Variants in DMXL2 observed in about 807,000 individuals in gnomAD.
The protein encoded by DMXL2 is Dmx like 2, also known as dmX-like protein 2.
In DMXL2, 103 loss-of-function variants were observed where a neutral mutation model predicts 331.1. The observed-to-expected ratio is 0.31, with a 90% CI of 0.27 to 0.37. The LOEUF is 0.37. DMXL2 is among the 10% of genes least tolerant of loss of function. DMXL2 has a pLI of 1.00. For missense variants in DMXL2, 3,171 were observed against 3,642.9 expected, an observed-to-expected ratio of 0.87 and a Z score of 3.33; for synonymous variants, 1,281 against 1,252.1, an observed-to-expected ratio of 1.02 and a Z score of -0.49.
intron 29 of DMXL2, among the ~76,000 whole-genome samples, chr15:51,469,840 T>C (rs2040932831): frequency 6.6e-6 from 1 of 152,158 alleles, no homozygotes; most frequent in Non-Finnish European, 1.5e-5. Context: ...TAAGTGCAAC[T>C]CAATTGGCAG....
At chr15:51,517,260 A>G in intron 13 of DMXL2, 93 bp from the exon 14 acceptor site, 1 of 845,600 alleles carries the variant, frequency 1.2e-6, no homozygotes, top group Non-Finnish European at 2.0e-6. Context: ...GCCCCCTCTA[A>G]ATATTCACTG....
At chr15:51,539,956 T>C (rs2048496996) in intron 9 of DMXL2, among the ~76,000 whole-genome samples, 1 of 152,224 alleles carries the variant, frequency 6.6e-6, no homozygotes, top group Admixed American at 6.5e-5. Flanking sequence ...AATATGAATG[T>C]TAAATGCTCT....
At position 51,622,594 on chromosome 15, in the gene DMXL2, G is replaced by T. The variant is rs368456628; in HGVS notation, c.-49C>A. On this transcript the variant is annotated 5_prime_UTR_variant, in exon 1 of 44. Coordinates refer to ENST00000560891, the MANE Select transcript of DMXL2 (RefSeq NM_001378457.1). ...ATGCGCGGGAGGTGCGACAAGCTCC[G>T]CGCCTGACCCTCCTCGGGCTGCGAG... is the stretch of plus-strand genomic sequence containing the variant. 3.3e-6 allele frequency: 5 copies of T among 1,521,402 alleles called. No homozygotes were observed. The highest frequency in any genetic ancestry group is 1.4e-5 in the African/African-American group (1 of 71,606). The allele number at this position is 1,521,402 out of a possible 1,614,324, so 94.2% of individuals were successfully genotyped here.
chr15:51,451,647 T>A lies in DMXL2; in HGVS notation c.8747A>T (p.His2916Leu). The change falls in exon 42 of 44, where the codon CAT becomes CTT. Residue 2916 changes from histidine to leucine, a missense_variant and splice_region_variant. This residue lies in a region of DMXL2 where 766 missense variants were observed against 940.5 expected (regional missense o/e 0.81). Coordinates refer to ENST00000560891, the MANE Select transcript of DMXL2 (RefSeq NM_001378457.1). ...TLISPGNSLI[H>L]GFTCHDHGAT... ...AAAAATCATAGACCTTAACTCACCA[T>A]GAATGAGGCTGTTTCCGGGTGATAT... is the stretch of plus-strand genomic sequence containing the variant. The A allele has an allele frequency of 6.2e-7, 1 of 1,612,082 alleles. No homozygotes were observed. The highest frequency in any genetic ancestry group is 8.5e-7 in the Non-Finnish European group (1 of 1,178,590).
chr15:51,544,762 C>A (rs986731277), intron 8 of DMXL2, among the ~76,000 whole-genome samples: 1 of 152,098 alleles, frequency 6.6e-6, no homozygotes, highest in Non-Finnish European at 1.5e-5. Flanking sequence ...ATAATATGAT[C>A]TCAATCGTAT....
intron 33 of DMXL2, among the ~76,000 whole-genome samples, chr15:51,462,629 G>A (rs2040226423): frequency 6.6e-6 from 1 of 152,068 alleles, no homozygotes; most frequent in South Asian, 2.1e-4. Context: ...GAGCCACCGT[G>A]CCCGGCCATG....
At chr15:51,609,635 A>G (rs1646149353) in intron 1 of DMXL2, among the ~76,000 whole-genome samples, 1 of 152,200 alleles carries the variant, frequency 6.6e-6, no homozygotes, top group African/African-American at 2.4e-5. Context: ...AGGCTATACT[A>G]TCTACGTTTG....
chr15:51,536,468 T>C lies in DMXL2; in HGVS notation c.2012A>G (p.His671Arg). ...TAATTCAGGAGTCAATAGAGCATTA[T>C]GATGAGAGGATGTCAATAACAGTGG... is the stretch of plus-strand genomic sequence containing the variant. ...VLPLLLTSSH[H>R]NALLTPELDC... The change falls in exon 12 of 44, where the codon CAT becomes CGT. Residue 671 changes from histidine (H) to arginine (R), a missense_variant. By Grantham distance (29) the His-to-Arg change is conservative. Around this residue, in one of 7 missense-constraint regions of DMXL2, gnomAD observed 1,674 missense variants for 1,780.2 expected, o/e 0.94. Transcript: ENST00000560891. The C allele has an allele frequency of 6.2e-7, 1 of 1,614,046 alleles. No homozygotes were observed. The highest frequency in any genetic ancestry group is 8.5e-7 in the Non-Finnish European group (1 of 1,179,974).
intron 1 of DMXL2, among the ~76,000 whole-genome samples, chr15:51,612,518 TG>T: frequency 6.6e-6 from 1 of 152,254 alleles, no homozygotes; most frequent in East Asian, 1.9e-4. Flanking sequence ...AGACATCACA[TG>T]TCAGCAGGTT....
Position 51,507,336 on chromosome 15 carries a change from C to G in DMXL2, c.2645-83G>C, listed in dbSNP as rs1264174189. On this transcript the variant is annotated intron_variant, in intron 15 of 43. Transcript: ENST00000560891. ...CACTTTTTAAAAGCTACCACCACCT[C>G]TTGATATGCATGGAAGTTGGGAAGA... The G allele has an allele frequency of 9.2e-6, 12 of 1,298,986 alleles. No individual in the cohort carries two copies. In the Admixed American group the frequency reaches 2.9e-4, roughly 31 times the overall value. The allele number at this position is 1,298,986 out of a possible 1,614,324, so 80.5% of individuals were successfully genotyped here. A position where few individuals can be genotyped will look rare whatever the true frequency, so the allele number is the denominator to read the frequency against.
At chr15:51,559,754 G>A (rs1596258322) in intron 6 of DMXL2, among the ~76,000 whole-genome samples, 1 of 152,000 alleles carries the variant, frequency 6.6e-6, no homozygotes, top group African/African-American at 2.4e-5. Flanking sequence ...CTACACGGAG[G>A]TGGTACTTGA....
At chr15:51,501,376 A>G (rs2043591790) in intron 17 of DMXL2, among the ~76,000 whole-genome samples, 1 of 152,200 alleles carries the variant, frequency 6.6e-6, no homozygotes, top group African/African-American at 2.4e-5. Context: ...TGCCCTCAAA[A>G]TATCTACCTT....
At chr15:51,570,237 T>C (rs943358593) in intron 2 of DMXL2, among the ~76,000 whole-genome samples, 1 of 128,368 alleles carries the variant, frequency 7.8e-6, no homozygotes, top group Non-Finnish European at 1.7e-5. Context: ...GAGGACAAGA[T>C]TAGAGAAAAA....
intron 29 of DMXL2, among the ~76,000 whole-genome samples, chr15:51,469,861 T>C (rs1474292152): frequency 2.6e-5 from 4 of 152,168 alleles, no homozygotes; most frequent in African/African-American, 9.7e-5. Context: ...CCTTAAGGGA[T>C]AGGCCAGAAT....
intron 1 of DMXL2, among the ~76,000 whole-genome samples, chr15:51,604,979 ATTCAATGGAG>A (rs780292340): frequency 6.6e-6 from 1 of 152,160 alleles, no homozygotes; most frequent in Non-Finnish European, 1.5e-5. Flanking sequence ...TACAAAGGCA[ATTCAATGGAG>A]AAAGGGCAGC....
rs2040600570 is a variant in DMXL2, at chr15:51,466,630, A to G, written c.7393-319T>C. On this transcript the variant is annotated intron_variant, in intron 29 of 43. Transcript: ENST00000560891. The stretch of plus-strand genomic sequence containing the variant: ...CAGCAATAAATAGTTAGAAAAGTCT[A>G]AAGAAATACAAAAGGACAAACTATG... 3 of 152,062 alleles carry G rather than the reference A, an allele frequency of 2.0e-5. No homozygotes were observed. The South Asian group carries it at 6.2e-4, about 31-fold the overall frequency. The allele number at this position is 152,062 out of a possible 1,614,324, so 9.4% of individuals were successfully genotyped here.
At chr15:51,599,237 T>C (rs2053053872) in intron 1 of DMXL2, among the ~76,000 whole-genome samples, 1 of 152,212 alleles carries the variant, frequency 6.6e-6, no homozygotes, top group Non-Finnish European at 1.5e-5. Context: ...CATCTCATTT[T>C]TCATGCTCCA....
chr15:51,553,114 C>T (rs537442038), intron 6 of DMXL2, among the ~76,000 whole-genome samples: 1 of 152,314 alleles, frequency 6.6e-6, no homozygotes, highest in South Asian at 2.1e-4. Flanking sequence ...ACTACTATAT[C>T]ATCCTGTCTT....
intron 6 of DMXL2, among the ~76,000 whole-genome samples, chr15:51,550,741 G>A (rs2049164739): frequency 6.6e-6 from 1 of 152,004 alleles, no homozygotes; most frequent in Admixed American, 6.6e-5. Flanking sequence ...ACATCTCCTA[G>A]TAAGCGAACC....
Sources: allele counts gnomAD v4.1 joint callset (sites outside exome capture counted in the v4.1 genomes callset), GRCh38; gene constraint gnomAD v4.1.1; regional missense constraint gnomAD v4.1.1; transcripts MANE v1.5; gene names NCBI Gene and HGNC (gene_info 2026-07-23, HGNC 2026-07-21).